The following INPP5A variants were observed in gnomAD, a reference collection of about 807,000 sequenced individuals.
INPP5A encodes the protein inositol polyphosphate-5-phosphatase A.
Under a neutral mutation model 65.2 loss-of-function variants are expected in INPP5A, and 14 were observed. The observed-to-expected ratio is 0.21, with a 90% CI of 0.14 to 0.34. The LOEUF (loss-of-function observed/expected upper bound fraction) is 0.34, where lower values mean the gene tolerates loss of function less well. Among genes scored for constraint, INPP5A ranks in the 10% least tolerant of loss-of-function variants. The pLI is 1.00. For synonymous variants in INPP5A, 207 were observed against 208.3 expected, an observed-to-expected ratio of 0.99 and a Z score of 0.05; for missense variants, 431 against 545.6, an observed-to-expected ratio of 0.79 and a Z score of 2.09.
chr10:132,705,178 G>A lies in INPP5A; in HGVS notation c.475-3135G>A, dbSNP rs1845514522. ...CCCCACAGCTCAGCTTCCCACTGAT[G>A]TGTTTCCATTGCAGACACAGTTACC... On this transcript the variant is annotated intron_variant, in intron 6 of 15. Coordinates refer to ENST00000368594, the MANE Select transcript of INPP5A (RefSeq NM_005539.5). The surrounding 1 kb of genome is among the most constrained non-coding windows in gnomAD (Gnocchi z 4.9). 6.6e-6 allele frequency among the ~76,000 whole-genome samples: 1 copy of A among 152,252 alleles called. No homozygotes were observed. The highest frequency in any genetic ancestry group is 6.5e-5 in the Admixed American group (1 of 15,290).
intron 8 of INPP5A, among the ~76,000 whole-genome samples, chr10:132,719,500 G>C (rs1845819334): frequency 6.8e-6 from 1 of 148,056 alleles, no homozygotes; most frequent in African/African-American, 2.6e-5. Flanking sequence ...TGGTACCTGG[G>C]TTCTGTCTGG....
intron 4 of INPP5A, among the ~76,000 whole-genome samples, chr10:132,688,769 C>G (rs548355927): frequency 6.7e-6 from 1 of 149,178 alleles, no homozygotes; most frequent in Non-Finnish European, 1.5e-5. Flanking sequence ...TGTGAGTGCA[C>G]GAATGAGTTC....
chr10:132,626,633 G>A (rs1239339105), intron 2 of INPP5A, among the ~76,000 whole-genome samples: 1 of 152,252 alleles, frequency 6.6e-6, no homozygotes, highest in South Asian at 2.1e-4. Context: ...GTGCACAAGA[G>A]CCCTCTGTCA....
intron 2 of INPP5A, among the ~76,000 whole-genome samples, chr10:132,629,064 G>T (rs1019999750): frequency 5.3e-5 from 8 of 152,340 alleles, no homozygotes; most frequent in African/African-American, 1.9e-4. Flanking sequence ...TGGCTGCCAG[G>T]TAGTGCCCCT....
intron 11 of INPP5A, among the ~76,000 whole-genome samples, chr10:132,751,939 G>A (rs1211634814): frequency 1.3e-5 from 2 of 150,316 alleles, no homozygotes; most frequent in Non-Finnish European, 3.0e-5. Context: ...AGAGGCGGGT[G>A]CCCAGGAGGC....
intron 1 of INPP5A, among the ~76,000 whole-genome samples, chr10:132,600,394 C>G (rs776383093): frequency 8.5e-5 from 13 of 152,214 alleles, no homozygotes. Flanking sequence ...GCTCCAGTTC[C>G]CAACAAGTTC....
chr10:132,564,785 T>G (rs2071253184), intron 1 of INPP5A, among the ~76,000 whole-genome samples: 1 of 152,198 alleles, frequency 6.6e-6, no homozygotes. Context: ...AGATGGGCTC[T>G]TCTATGAGGT....
chr10:132,577,500 G>A (rs1206939275), intron 1 of INPP5A, among the ~76,000 whole-genome samples: 1 of 152,232 alleles, frequency 6.6e-6, no homozygotes, highest in African/African-American at 2.4e-5. Flanking sequence ...GAAAACAGTG[G>A]GCCCCTGCTG....
chr10:132,564,811 A>G (rs1355429863), intron 1 of INPP5A, among the ~76,000 whole-genome samples: 7 of 152,104 alleles, frequency 4.6e-5, no homozygotes, highest in African/African-American at 1.7e-4. Context: ...AGTTCTGGTC[A>G]GTGGGATGGC....
Position 132,650,905 on chromosome 10 carries a change from C to T in INPP5A, c.306+400C>T, listed in dbSNP as rs1028546345. On this transcript the variant is annotated intron_variant, in intron 4 of 15. Coordinates refer to ENST00000368594, the MANE Select transcript of INPP5A (RefSeq NM_005539.5). The surrounding 1 kb of genome is among the most constrained non-coding windows in gnomAD (Gnocchi z 5.5). ...GCCAGCCCTGCTCCCATGCTGGGTC[C>T]GTCCCTTCCTGATCCCTGAGTGTGC... 2.0e-5 allele frequency among the ~76,000 whole-genome samples: 3 copies of T among 152,200 alleles called. No homozygotes were observed. Among genetic ancestry groups the T allele is most frequent in the Non-Finnish European group, 2.9e-5 (2 of 68,028 alleles).
intron 1 of INPP5A, among the ~76,000 whole-genome samples, chr10:132,558,001 GT>G (rs1310279840): frequency 1.3e-5 from 2 of 152,208 alleles, no homozygotes; most frequent in Non-Finnish European, 2.9e-5. Context: ...CTGGACTGTG[GT>G]CATTTTCACT....
chr10:132,685,565 G>A (rs975230183), intron 4 of INPP5A, among the ~76,000 whole-genome samples: 1 of 152,236 alleles, frequency 6.6e-6, no homozygotes, highest in Non-Finnish European at 1.5e-5. Flanking sequence ...ACCTGATTGC[G>A]GAAATGATAA....
At chr10:132,671,141 T>C (rs1051187142) in intron 4 of INPP5A, among the ~76,000 whole-genome samples, 3 of 152,122 alleles carry the variant, frequency 2.0e-5, no homozygotes, top group African/African-American at 7.2e-5. Context: ...GGCATGGGCA[T>C]GTGGGCACGC....
intron 3 of INPP5A, 39 bp downstream of exon 3, chr10:132,646,007 C>T: frequency 6.9e-7 from 1 of 1,450,178 alleles, no homozygotes; most frequent in Non-Finnish European, 9.7e-7. Flanking sequence ...GTCCACTTCC[C>T]AGGGGTGTGG....
intron 4 of INPP5A, among the ~76,000 whole-genome samples, chr10:132,656,597 C>T (rs2072659688): frequency 6.6e-6 from 1 of 152,158 alleles, no homozygotes; most frequent in Admixed American, 6.5e-5. Flanking sequence ...GCTGTGCGGG[C>T]TGCCCCACCT....
At chr10:132,645,053 C>G (rs568780310) in intron 2 of INPP5A, among the ~76,000 whole-genome samples, 1 of 152,174 alleles carries the variant, frequency 6.6e-6, no homozygotes, top group African/African-American at 2.4e-5. Flanking sequence ...TGGTGGAAGC[C>G]GCCAGGTCAC....
chr10:132,726,279 G>A (rs965457312), intron 8 of INPP5A, among the ~76,000 whole-genome samples: 1 of 152,198 alleles, frequency 6.6e-6, no homozygotes, highest in Non-Finnish European at 1.5e-5. Context: ...CTTCAAAACA[G>A]GTCTGAGGGG....
chr10:132,707,843 G>A lies in INPP5A; in HGVS notation c.475-470G>A, dbSNP rs542214789. ...GCATCGGTGGGTGAGAGGCATCGGT[G>A]GGTGGTGGGGATCAGTGAGAGACCA... On this transcript the variant is annotated intron_variant, in intron 6 of 15. Transcript: ENST00000368594. This position sits in a 1 kb window ranked among gnomAD's most constrained non-coding sequence, Gnocchi z 5.5. Among the ~76,000 whole-genome samples, 1 of 152,246 alleles carries A rather than the reference G, an allele frequency of 6.6e-6. No homozygotes were observed. The highest frequency in any genetic ancestry group is 2.1e-4 in the South Asian group (1 of 4,816).
chr10:132,645,588 A>C (rs945854605), intron 2 of INPP5A, among the ~76,000 whole-genome samples: 1 of 152,232 alleles, frequency 6.6e-6, no homozygotes, highest in Non-Finnish European at 1.5e-5. Flanking sequence ...ACTAGAAATA[A>C]GGCCTCTAGA....
Sources: gnomAD v4.1 joint callset for allele counts (sites outside exome capture counted in the v4.1 genomes callset) on GRCh38, gnomAD v4.1.1 for gene constraint, Gnocchi (gnomAD v3.1) non-coding constraint, MANE v1.5 for transcripts, NCBI Gene and HGNC (gene_info 2026-07-23, HGNC 2026-07-21) for gene names.